PTPRK: variants seen among roughly 807,000 people sequenced by gnomAD.
PTPRK encodes the protein receptor-type tyrosine-protein phosphatase kappa.
PTPRK carries 75 observed loss-of-function variants against 178.0 expected under a neutral mutation model. The observed-to-expected ratio is 0.42, with a 90% CI of 0.35 to 0.51. The LOEUF is 0.51. PTPRK is among the 20% of genes least tolerant of loss of function. The pLI, the probability that PTPRK is intolerant of heterozygous loss-of-function variation, is 0.02. For missense variants in PTPRK, 1,441 were observed against 1,797.8 expected (o/e 0.80, Z 3.59); for synonymous variants, 637 against 620.6 (o/e 1.03, Z -0.39).
At chr6:128,134,518 T>C (rs1024265903) in intron 7 of PTPRK, among the ~76,000 whole-genome samples, 3 of 152,124 alleles carry the variant, frequency 2.0e-5, no homozygotes, top group Non-Finnish European at 4.4e-5. Flanking sequence ...TGATTAACAC[T>C]TAAGCAGAGC....
chr6:128,124,377 C>CT (rs1232504572), intron 7 of PTPRK, among the ~76,000 whole-genome samples: 4 of 152,048 alleles, frequency 2.6e-5, no homozygotes, highest in Admixed American at 2.0e-4. Flanking sequence ...CACACCTGTC[C>CT]TTAGTCCTTA....
intron 13 of PTPRK, among the ~76,000 whole-genome samples, chr6:128,010,172 T>C (rs1477106483): frequency 6.6e-6 from 1 of 151,108 alleles, no homozygotes; most frequent in Non-Finnish European, 1.5e-5. Flanking sequence ...AAAGAAAAAA[T>C]CTACTATATC....
intron 7 of PTPRK, among the ~76,000 whole-genome samples, chr6:128,136,193 C>T (rs1794990581): frequency 6.6e-6 from 1 of 152,176 alleles, no homozygotes; most frequent in South Asian, 2.1e-4. Context: ...ACCAAACCTC[C>T]TGACACTTTG....
At chr6:128,416,232 A>G (rs1842832493) in intron 1 of PTPRK, among the ~76,000 whole-genome samples, 1 of 152,108 alleles carries the variant, frequency 6.6e-6, no homozygotes, top group African/African-American at 2.4e-5. Flanking sequence ...TTTTGCAACA[A>G]GAATGACGAC....
intron 6 of PTPRK, among the ~76,000 whole-genome samples, chr6:128,200,490 T>A (rs1228442579): frequency 6.6e-6 from 1 of 151,992 alleles, no homozygotes; most frequent in African/African-American, 2.4e-5. Flanking sequence ...TTTGAGAGTC[T>A]GAGGCAGGAG....
chr6:128,111,648 G>A (rs921121718), intron 7 of PTPRK, among the ~76,000 whole-genome samples: 3 of 152,072 alleles, frequency 2.0e-5, no homozygotes, highest in African/African-American at 7.2e-5. Flanking sequence ...CCCTCCATGA[G>A]AGTCACTCTC....
chr6:128,328,869 A>C (rs752617813), intron 2 of PTPRK, among the ~76,000 whole-genome samples: 19 of 152,212 alleles, frequency 1.2e-4, no homozygotes, highest in Non-Finnish European at 2.6e-4. Flanking sequence ...GCATTGTTTT[A>C]CTTTTTACAA....
chr6:128,493,129 C>T (rs941133926), intron 1 of PTPRK, among the ~76,000 whole-genome samples: 2 of 152,174 alleles, frequency 1.3e-5, no homozygotes, highest in Non-Finnish European at 2.9e-5. Context: ...GTTTCTATTG[C>T]AAAAGAAAGC....
intron 6 of PTPRK, among the ~76,000 whole-genome samples, chr6:128,215,631 T>C (rs967742798): frequency 1.3e-5 from 2 of 152,112 alleles, no homozygotes; most frequent in Admixed American, 1.3e-4. Context: ...AGATCAATAC[T>C]CTTCAGCATG....
At chr6:128,136,745 G>A (rs1052042914) in intron 7 of PTPRK, among the ~76,000 whole-genome samples, 1 of 152,122 alleles carries the variant, frequency 6.6e-6, no homozygotes, top group African/African-American at 2.4e-5. Context: ...GTGGACAAGG[G>A]TGGAGCTATA....
At chr6:128,334,756 T>C (rs982816996) in intron 2 of PTPRK, among the ~76,000 whole-genome samples, 7 of 152,124 alleles carry the variant, frequency 4.6e-5, no homozygotes, top group Admixed American at 1.3e-4. Context: ...AGGAAAAATA[T>C]AATCTCCCCC....
intron 5 of PTPRK, chr6:128,235,330 G>A (rs1167310483): frequency 6.3e-6 from 1 of 159,964 alleles, no homozygotes; most frequent in Non-Finnish European, 1.4e-5. Context: ...CTATAAAAGT[G>A]TACAATCTAA....
At chr6:128,257,381 A>G (rs1448248339) in intron 3 of PTPRK, among the ~76,000 whole-genome samples, 1 of 152,134 alleles carries the variant, frequency 6.6e-6, no homozygotes, top group Non-Finnish European at 1.5e-5. Context: ...CATGAGGGAT[A>G]ATGTGATTTG....
intron 3 of PTPRK, among the ~76,000 whole-genome samples, chr6:128,268,434 C>T (rs1819288161): frequency 1.3e-5 from 2 of 151,830 alleles, no homozygotes; most frequent in Admixed American, 1.3e-4. Flanking sequence ...AGTGAGAGAA[C>T]CATTAATTAA....
At chr6:128,098,111 A>G (rs1301015989) in intron 7 of PTPRK, among the ~76,000 whole-genome samples, 1 of 152,182 alleles carries the variant, frequency 6.6e-6, no homozygotes, top group Non-Finnish European at 1.5e-5. Flanking sequence ...GATCCATAGT[A>G]TATGGTTGGA....
chr6:128,429,956 T>C (rs1248878854), intron 1 of PTPRK, among the ~76,000 whole-genome samples: 1 of 152,214 alleles, frequency 6.6e-6, no homozygotes, highest in Non-Finnish European at 1.5e-5. Context: ...AGGTATGAAA[T>C]TTTATTTATA....
At chr6:128,371,824 C>T (rs572626474) in intron 2 of PTPRK, among the ~76,000 whole-genome samples, 12 of 151,614 alleles carry the variant, frequency 7.9e-5, no homozygotes, top group African/African-American at 2.2e-4. Flanking sequence ...TGCAGTGATC[C>T]GAGATCGTGC....
At chr6:128,248,637 G>A (rs1232932755) in intron 3 of PTPRK, among the ~76,000 whole-genome samples, 2 of 152,124 alleles carry the variant, frequency 1.3e-5, no homozygotes, top group South Asian at 4.1e-4. Context: ...TTGTGCCATT[G>A]AGATCAGAAG....
intron 7 of PTPRK, among the ~76,000 whole-genome samples, chr6:128,180,211 G>C (rs1282197980): frequency 1.3e-5 from 2 of 151,786 alleles, no homozygotes; most frequent in Non-Finnish European, 1.5e-5. Flanking sequence ...TCTGATGATG[G>C]CATATTTTAT....
Sources: gnomAD v4.1 joint callset for allele counts (sites outside exome capture counted in the v4.1 genomes callset) on GRCh38, gnomAD v4.1.1 for gene constraint, MANE v1.5 for transcripts, NCBI Gene and HGNC (gene_info 2026-07-23, HGNC 2026-07-21) for gene names.